BUB1B: variants seen among roughly 807,000 people sequenced by gnomAD.
BUB1B encodes the protein mitotic checkpoint serine/threonine-protein kinase BUB1 beta.
BUB1B carries 86 observed loss-of-function variants against 137.7 expected under a neutral mutation model. That is an observed-to-expected ratio of 0.62 (90% CI 0.52 to 0.75). BUB1B has a LOEUF of 0.75. Among genes scored for constraint, BUB1B ranks in the 30% least tolerant of loss-of-function variants. The pLI is 0.00. For synonymous variants in BUB1B, 420 were observed against 417.9 expected (o/e 1.00, Z -0.06); for missense variants, 1,130 against 1,236.9 (o/e 0.91, Z 1.30).
intron 20 of BUB1B, among the ~76,000 whole-genome samples, chr15:40,215,694 G>A (rs906616456): frequency 6.6e-6 from 1 of 151,898 alleles, no homozygotes; most frequent in Non-Finnish European, 1.5e-5. Context: ...GCGTGAACCC[G>A]GGAGGCAGAG....
intron 14 of BUB1B, among the ~76,000 whole-genome samples, chr15:40,205,035 C>T (rs1411869540): frequency 3.3e-5 from 5 of 150,658 alleles, no homozygotes; most frequent in African/African-American, 1.2e-4. Flanking sequence ...CAGCCTCCGC[C>T]TCCTGGGTTC....
chr15:40,189,331 T>G (rs1407647188), intron 8 of BUB1B, among the ~76,000 whole-genome samples: 2 of 152,316 alleles, frequency 1.3e-5, no homozygotes, highest in East Asian at 3.9e-4. Flanking sequence ...GGCTAACTTT[T>G]GTATTTTCAG....
chr15:40,201,336 CA>C (rs2037566551), intron 12 of BUB1B, among the ~76,000 whole-genome samples: 1 of 152,024 alleles, frequency 6.6e-6, no homozygotes. Context: ...TTCTTTTCTT[CA>C]AAATGTGTTA....
Position 40,200,232 on chromosome 15 carries a change from T to G in BUB1B, c.1402-12T>G. On this transcript the variant is annotated splice_polypyrimidine_tract_variant and intron_variant, in intron 10 of 22. Coordinates refer to ENST00000287598, the MANE Select transcript of BUB1B (RefSeq NM_001211.6). ...GGGAGGGACATTGATTTTGTTTATT[T>G]AATGCAAACAGCAAGAAGAGACGAT... The G allele has an allele frequency of 6.3e-7, 1 of 1,594,254 alleles. No individual in the cohort carries two copies.
intron 6 of BUB1B, 28 bp from the exon 7 acceptor site, chr15:40,185,137 C>A: frequency 1.3e-6 from 2 of 1,566,144 alleles, no homozygotes; most frequent in Non-Finnish European, 1.8e-6. Context: ...AAACATTTTA[C>A]ATGAGGTTTT....
chr15:40,182,663 G>T (rs1447834548), intron 5 of BUB1B, among the ~76,000 whole-genome samples: 4 of 152,190 alleles, frequency 2.6e-5, no homozygotes, highest in African/African-American at 9.6e-5. Context: ...AACCTAAGAT[G>T]TATGCCAATT....
chr15:40,184,676 T>C (rs1325403284), intron 6 of BUB1B, among the ~76,000 whole-genome samples: 1 of 152,132 alleles, frequency 6.6e-6, no homozygotes, highest in Non-Finnish European at 1.5e-5. Flanking sequence ...ATAGGGAGTG[T>C]ATGGTCCCAA....
At chr15:40,200,135 A>G in intron 10 of BUB1B, 109 bp from the exon 11 acceptor site, 1 of 776,536 alleles carries the variant, frequency 1.3e-6, no homozygotes, top group South Asian at 1.5e-5. Context: ...CTCATTTTGT[A>G]CTGTTAGTGG....
chr15:40,201,318 A>G (rs1205074698), intron 12 of BUB1B, among the ~76,000 whole-genome samples: 24 of 152,224 alleles, frequency 1.6e-4, no homozygotes, highest in Admixed American at 1.5e-3. Flanking sequence ...TTTATACTCA[A>G]ATTGGTTTTC....
At chr15:40,218,273 C>CT (rs1237221368) in intron 21 of BUB1B, among the ~76,000 whole-genome samples, 183 bp from the exon 22 acceptor site, 1 of 152,226 alleles carries the variant, frequency 6.6e-6, no homozygotes, top group Non-Finnish European at 1.5e-5. Context: ...AGAATTGGCT[C>CT]TATTGATCAC....
chr15:40,217,403 T>G (rs1394290612), intron 20 of BUB1B, 93 bp from the exon 21 acceptor site: 14 of 1,362,994 alleles, frequency 1.0e-5, no homozygotes, highest in East Asian at 2.3e-5. Flanking sequence ...ATAGCTAAGA[T>G]GTACCCAAGG....
In BUB1B at chr15:40,161,159, G is replaced by C. The variant is rs943655633; in HGVS notation, c.-62G>C. ...AGGGCAGGTTGCGGAAGAAAGCCCAGGCGGTCTGTGGCCCAGAGGAAAGGC... is the reference window on the plus strand; with the variant it reads ...AGGGCAGGTTGCGGAAGAAAGCCCACGCGGTCTGTGGCCCAGAGGAAAGGC... On this transcript the variant is annotated 5_prime_UTR_variant, in exon 1 of 23. Transcript: ENST00000287598. 1.3e-6 allele frequency: 2 copies of C among 1,598,298 alleles called. No homozygotes were observed. Among genetic ancestry groups the C allele is most frequent in the African/African-American group, 2.7e-5 (2 of 74,522 alleles).
intron 5 of BUB1B, among the ~76,000 whole-genome samples, chr15:40,177,519 A>T (rs1356166060): frequency 2.6e-5 from 4 of 152,172 alleles, no homozygotes; most frequent in East Asian, 1.9e-4. Context: ...CTTGATTTTT[A>T]AAAAATCAGT....
intron 18 of BUB1B, among the ~76,000 whole-genome samples, chr15:40,210,765 A>G (rs2037701235): frequency 6.6e-6 from 1 of 152,190 alleles, no homozygotes. Flanking sequence ...TTGGCCTCCC[A>G]AAGAACTGGA....
intron 8 of BUB1B, among the ~76,000 whole-genome samples, chr15:40,188,517 T>C (rs2037396466): frequency 6.6e-6 from 1 of 152,102 alleles, no homozygotes; most frequent in Non-Finnish European, 1.5e-5. Flanking sequence ...TTTGTCCTTG[T>C]CTTTTGGCTT....
chr15:40,180,241 C>T (rs774208613), intron 5 of BUB1B, among the ~76,000 whole-genome samples: 20 of 131,808 alleles, frequency 1.5e-4, no homozygotes, highest in African/African-American at 2.1e-4. Flanking sequence ...TCTGGGTCAA[C>T]GTTTCGTTTC....
chr15:40,205,621 G>A (rs1041287165), intron 14 of BUB1B, among the ~76,000 whole-genome samples: 1 of 152,094 alleles, frequency 6.6e-6, no homozygotes, highest in Admixed American at 6.5e-5. Context: ...ATTTCTTATA[G>A]ACCCACAATG....
chr15:40,210,717 G>C (rs2037700693), intron 18 of BUB1B, among the ~76,000 whole-genome samples: 1 of 152,104 alleles, frequency 6.6e-6, no homozygotes, highest in Admixed American at 6.5e-5. Context: ...TGTTGCCTAG[G>C]CTGGTCTTGA....
chr15:40,208,069 A>G (rs1056905619), intron 15 of BUB1B, among the ~76,000 whole-genome samples: 2 of 151,278 alleles, frequency 1.3e-5, no homozygotes, highest in African/African-American at 4.8e-5. Context: ...GCAGTGAGCC[A>G]TGATCGCACC....
Sources: allele counts gnomAD v4.1 joint callset (sites outside exome capture counted in the v4.1 genomes callset), GRCh38; gene constraint gnomAD v4.1.1; transcripts MANE v1.5; gene names NCBI Gene and HGNC (gene_info 2026-07-23, HGNC 2026-07-21).